IQGAP2: variants seen among roughly 807,000 people sequenced by gnomAD.
The protein encoded by IQGAP2 is ras GTPase-activating-like protein IQGAP2.
IQGAP2 carries 173 observed loss-of-function variants against 201.3 expected under a neutral mutation model. The ratio of observed to expected loss-of-function variants is 0.86; its 90% CI spans 0.76 to 0.98. IQGAP2 has a LOEUF of 0.98. Ranked by LOEUF, IQGAP2 falls within the 50% of genes least tolerant of loss-of-function variation. The pLI is 0.00. For missense variants in IQGAP2, 1,687 were observed against 1,864.8 expected, an observed-to-expected ratio of 0.90 and a Z score of 1.76; for synonymous variants, 675 against 673.9, an observed-to-expected ratio of 1.00 and a Z score of -0.03.
At chr5:76,509,939 G>C (rs981880108) in intron 2 of IQGAP2, among the ~76,000 whole-genome samples, 2 of 151,074 alleles carry the variant, frequency 1.3e-5, no homozygotes, top group African/African-American at 4.9e-5. Flanking sequence ...AATATTTAGA[G>C]AGCTCCTTTT....
intron 1 of IQGAP2, among the ~76,000 whole-genome samples, chr5:76,413,769 AG>A: frequency 6.6e-6 from 1 of 152,294 alleles, no homozygotes; most frequent in Middle Eastern, 3.4e-3. Flanking sequence ...CTTGTCTAAA[AG>A]CCTGAGGGTT....
chr5:76,536,152 T>C (rs1759610776), intron 2 of IQGAP2, among the ~76,000 whole-genome samples: 1 of 138,868 alleles, frequency 7.2e-6, no homozygotes, highest in Non-Finnish European at 1.5e-5. Flanking sequence ...CACTGCAACC[T>C]CCACCTCCTG....
At chr5:76,418,324 A>G (rs943656313) in intron 1 of IQGAP2, among the ~76,000 whole-genome samples, 1 of 151,804 alleles carries the variant, frequency 6.6e-6, no homozygotes, top group African/African-American at 2.4e-5. Flanking sequence ...TATGATTTTT[A>G]GCCAGATTCT....
At chr5:76,642,890 T>G (rs138809199) in intron 17 of IQGAP2, among the ~76,000 whole-genome samples, 9 of 152,316 alleles carry the variant, frequency 5.9e-5, no homozygotes, top group Non-Finnish European at 1.2e-4. Flanking sequence ...CATCCAGCAT[T>G]CTGTCTCAAG....
intron 2 of IQGAP2, among the ~76,000 whole-genome samples, chr5:76,472,051 C>A (rs987111582): frequency 2.0e-5 from 3 of 152,204 alleles, no homozygotes; most frequent in African/African-American, 7.2e-5. Context: ...TTGTTCCATG[C>A]GGCAGCTGGT....
intron 8 of IQGAP2, among the ~76,000 whole-genome samples, chr5:76,591,901 A>C (rs1026035879): frequency 5.9e-5 from 9 of 152,198 alleles, no homozygotes; most frequent in African/African-American, 1.9e-4. Flanking sequence ...TCCCTGGTTC[A>C]GAATGATGGC....
chr5:76,502,734 A>G (rs1228574453), intron 2 of IQGAP2, among the ~76,000 whole-genome samples: 2 of 152,186 alleles, frequency 1.3e-5, no homozygotes, highest in African/African-American at 4.8e-5. Flanking sequence ...AGAGAATTTA[A>G]AAACATTTTC....
At chr5:76,503,179 T>C (rs1385575517) in intron 2 of IQGAP2, among the ~76,000 whole-genome samples, 9 of 147,592 alleles carry the variant, frequency 6.1e-5, no homozygotes, top group Non-Finnish European at 7.5e-5. Flanking sequence ...CTTTTCTTTT[T>C]TTTTTTTTTT....
intron 33 of IQGAP2, among the ~76,000 whole-genome samples, chr5:76,699,719 TTC>T (rs557554396): frequency 3.4e-4 from 7 of 20,418 alleles, no homozygotes; most frequent in Non-Finnish European, 4.5e-4. Flanking sequence ...TTCTCTCTGT[TTC>T]TCTCTCTCTC....
In IQGAP2 at chr5:76,573,339, G is replaced by C. The variant is rs553461368; in HGVS notation, c.382-2354G>C. ...TTGCAGGGGCAAGAGACTGTACTGAGTTGACTTTGATGTATCATATTTAAC... is the reference window on the plus strand; with the variant it reads ...TTGCAGGGGCAAGAGACTGTACTGACTTGACTTTGATGTATCATATTTAAC... On this transcript the variant is annotated intron_variant, in intron 4 of 35. Transcript: ENST00000274364. Among the ~76,000 whole-genome samples, 12 of 152,312 alleles carry C rather than the reference G, an allele frequency of 7.9e-5. No individual in the cohort carries two copies. In the South Asian group the frequency reaches 2.5e-3, roughly 32 times the overall value.
intron 2 of IQGAP2, among the ~76,000 whole-genome samples, chr5:76,499,292 A>T (rs1411077195): frequency 6.6e-6 from 1 of 152,196 alleles, no homozygotes; most frequent in Non-Finnish European, 1.5e-5. Flanking sequence ...TCTGAAATGT[A>T]AGCACCTGGG....
At chr5:76,692,971 A>G (rs998887297) in intron 30 of IQGAP2, among the ~76,000 whole-genome samples, 1 of 152,236 alleles carries the variant, frequency 6.6e-6, no homozygotes, top group African/African-American at 2.4e-5. Context: ...AGGAAAGGAG[A>G]ATATTAGATA....
At chr5:76,489,525 A>G (rs1001433632) in intron 2 of IQGAP2, among the ~76,000 whole-genome samples, 2 of 152,068 alleles carry the variant, frequency 1.3e-5, no homozygotes, top group African/African-American at 4.8e-5. Context: ...GCAGTGGCAC[A>G]ATCTCGGCTC....
chr5:76,496,813 C>T (rs1757017230), intron 2 of IQGAP2, among the ~76,000 whole-genome samples: 1 of 129,380 alleles, frequency 7.7e-6, no homozygotes, highest in East Asian at 2.2e-4. Context: ...CTTTCTCTTT[C>T]TTTCTTTCTT....
chr5:76,566,464 T>A (rs959857193), intron 3 of IQGAP2, among the ~76,000 whole-genome samples: 1 of 151,920 alleles, frequency 6.6e-6, no homozygotes, highest in Non-Finnish European at 1.5e-5. Flanking sequence ...AGCAGAGTGG[T>A]TGAAAGGGAC....
At chr5:76,619,012 G>T (rs1749315761) in intron 13 of IQGAP2, among the ~76,000 whole-genome samples, 1 of 152,188 alleles carries the variant, frequency 6.6e-6, no homozygotes, top group Non-Finnish European at 1.5e-5. Context: ...AGATGAACTT[G>T]AGCAAAGACT....
At chr5:76,495,734 C>T (rs1756854543) in intron 2 of IQGAP2, among the ~76,000 whole-genome samples, 1 of 152,140 alleles carries the variant, frequency 6.6e-6, no homozygotes, top group African/African-American at 2.4e-5. Context: ...GAAGAGGTAG[C>T]CTGTGTACCA....
chr5:76,494,407 G>A (rs927468373), intron 2 of IQGAP2, among the ~76,000 whole-genome samples: 9 of 152,152 alleles, frequency 5.9e-5, no homozygotes, highest in African/African-American at 2.2e-4. Context: ...AAGGTCCACT[G>A]GTTCTCTGGC....
rs1287952828 is a variant in IQGAP2 at position 76,690,862 on chromosome 5, C to G, written c.3906-2493C>G. On this transcript the variant is annotated intron_variant, in intron 30 of 35. Transcript: ENST00000274364. ...TCAAGTGCTCAAGTGCCACCTGTGGCCAGTGGCGGCCATCATGGGCAGCAC... is the reference window on the plus strand; with the variant it reads ...TCAAGTGCTCAAGTGCCACCTGTGGGCAGTGGCGGCCATCATGGGCAGCAC... 2.6e-5 allele frequency among the ~76,000 whole-genome samples: 4 copies of G among 152,342 alleles called. No individual in the cohort carries two copies. In the East Asian group the frequency reaches 7.7e-4, roughly 29 times the overall value.
Sources: allele counts gnomAD v4.1 joint callset (sites outside exome capture counted in the v4.1 genomes callset), GRCh38; gene constraint gnomAD v4.1.1; transcripts MANE v1.5; gene names NCBI Gene and HGNC (gene_info 2026-07-23, HGNC 2026-07-21).